FREM2: variants seen among roughly 807,000 people sequenced by gnomAD.
FREM2 encodes the protein FRAS1-related extracellular matrix protein 2.
In FREM2, 119 loss-of-function variants were observed where a neutral mutation model predicts 219.9. The ratio of observed to expected loss-of-function variants is 0.54; its 90% CI spans 0.47 to 0.63. The LOEUF is 0.63. Ranked by LOEUF, FREM2 falls within the 30% of genes least tolerant of loss-of-function variation. The pLI is 0.00. For synonymous variants in FREM2, 1,562 were observed against 1,522.8 expected (o/e 1.03, Z -0.60); for missense variants, 4,030 against 3,993.6 (o/e 1.01, Z -0.25).
intron 2 of FREM2, among the ~76,000 whole-genome samples, chr13:38,715,352 A>G (rs1870955422): frequency 6.6e-6 from 1 of 152,212 alleles, no homozygotes; most frequent in Non-Finnish European, 1.5e-5. Context: ...TGAGATGCAG[A>G]GAGGATTGCT....
rs572818693 is a variant in FREM2, at chr13:38,774,428, G to T, written c.5641+4620G>T. ...AAGTTAATCATATAATTAGGTGATT[G>T]CATTCCCCTAGATTGTTACAATTAA... On this transcript the variant is annotated intron_variant, in intron 4 of 23. Coordinates refer to ENST00000280481, the MANE Select transcript of FREM2 (RefSeq NM_207361.6). Among the ~76,000 whole-genome samples, 9 of 152,266 alleles carry T rather than the reference G, an allele frequency of 5.9e-5. 1 individual carries two copies. The South Asian group carries it at 1.5e-3, about 25-fold the overall frequency.
At chr13:38,773,577 T>G (rs1439637292) in intron 4 of FREM2, among the ~76,000 whole-genome samples, 3 of 152,090 alleles carry the variant, frequency 2.0e-5, no homozygotes, top group Non-Finnish European at 2.9e-5. Context: ...TGTTTCGTTG[T>G]GTTTGTTTGT....
intron 6 of FREM2, among the ~76,000 whole-genome samples, chr13:38,797,679 T>G (rs1421182427): frequency 6.6e-6 from 1 of 152,110 alleles, no homozygotes; most frequent in Non-Finnish European, 1.5e-5. Context: ...AAAATCTGCC[T>G]AGACAAATGT....
chr13:38,750,681 T>C (rs952207418), intron 2 of FREM2, among the ~76,000 whole-genome samples: 2 of 152,126 alleles, frequency 1.3e-5, no homozygotes, highest in African/African-American at 4.8e-5. Context: ...GTTCTGTTTT[T>C]AGCCATGCTG....
rs17058443 is a variant in FREM2, at chr13:38,692,592, A to T, written c.5173+75A>T. 15,098 of 1,517,354 alleles carry T rather than the reference A, an allele frequency of 1.0e-2. 1,118 individuals carry two copies. In the African/African-American group the frequency reaches 0.17, roughly 17 times the overall value. The allele number at this position is 1,517,354 out of a possible 1,614,324, so 94.0% of individuals were successfully genotyped here. ...GCTTCACTAAAAGCCTCACAAACAGAGCATTAAATTAGAGTCCAAGAGAAG... is the reference window on the plus strand; with the variant it reads ...GCTTCACTAAAAGCCTCACAAACAGTGCATTAAATTAGAGTCCAAGAGAAG... On this transcript the variant is annotated intron_variant, in intron 1 of 23. Transcript: ENST00000280481.
chr13:38,842,036 G>A (rs1876982807), intron 6 of FREM2, among the ~76,000 whole-genome samples: 1 of 152,154 alleles, frequency 6.6e-6, no homozygotes, highest in South Asian at 2.1e-4. Flanking sequence ...TGGAAGATGT[G>A]CAGAGCAGAA....
intron 2 of FREM2, among the ~76,000 whole-genome samples, chr13:38,725,001 A>G (rs868235736): frequency 6.6e-6 from 1 of 152,242 alleles, no homozygotes; most frequent in South Asian, 2.1e-4. Flanking sequence ...CTGGAATGGA[A>G]TATTTTAAAT....
intron 2 of FREM2, among the ~76,000 whole-genome samples, chr13:38,705,172 G>C (rs984066591): frequency 6.6e-6 from 1 of 152,168 alleles, no homozygotes; most frequent in Non-Finnish European, 1.5e-5. Flanking sequence ...TTGACATGAG[G>C]CCGATGCAGA....
intron 2 of FREM2, among the ~76,000 whole-genome samples, chr13:38,705,939 A>G (rs1870521458): frequency 6.6e-6 from 1 of 152,246 alleles, no homozygotes; most frequent in Admixed American, 6.5e-5. Context: ...ATGGAAAGTC[A>G]GAACCTGATG....
rs185648248 is a variant in FREM2, at chr13:38,882,797, C to T, written c.*2010C>T. On this transcript the variant is annotated 3_prime_UTR_variant, in exon 24 of 24. Coordinates refer to ENST00000280481, the MANE Select transcript of FREM2 (RefSeq NM_207361.6). Reference sequence around the variant, plus strand: ...CTTCAAATAGTGCGTAGACTTTTCCCTACTTACCATTGGGTTCAATTGATG... The same window carrying T: ...CTTCAAATAGTGCGTAGACTTTTCCTTACTTACCATTGGGTTCAATTGATG... 2 of 152,266 alleles carry T rather than the reference C, an allele frequency of 1.3e-5. No individual in the cohort carries two copies. Among genetic ancestry groups the T allele is most frequent in the African/African-American group, 4.8e-5 (2 of 41,558 alleles). 9.4% of individuals were successfully genotyped at this position (152,266 alleles called of 1,614,324 possible). A position where few individuals can be genotyped will look rare whatever the true frequency, so the allele number is the denominator to read the frequency against.
chr13:38,738,462 A>G (rs1393298406), intron 2 of FREM2, among the ~76,000 whole-genome samples: 1 of 145,334 alleles, frequency 6.9e-6, no homozygotes, highest in African/African-American at 2.6e-5. Flanking sequence ...GCTACTTGGG[A>G]GGCTGAGGCA....
intron 7 of FREM2, among the ~76,000 whole-genome samples, chr13:38,847,479 G>A (rs751204599): frequency 6.6e-5 from 10 of 152,078 alleles, no homozygotes; most frequent in South Asian, 2.1e-4. Flanking sequence ...TGCTTTGCAC[G>A]TAGCAGGTGC....
chr13:38,700,871 T>C (rs1870317708), intron 2 of FREM2, among the ~76,000 whole-genome samples: 1 of 152,122 alleles, frequency 6.6e-6, no homozygotes, highest in South Asian at 2.1e-4. Context: ...GATCTGCTTT[T>C]AGGATAGACA....
chr13:38,824,824 C>T lies in FREM2; in HGVS notation c.6020-21749C>T, dbSNP rs570328764. 6.6e-5 allele frequency among the ~76,000 whole-genome samples: 10 copies of T among 152,100 alleles called. 1 individual carries two copies. Among genetic ancestry groups the T allele is most frequent in the African/African-American group, 2.2e-4 (9 of 41,500 alleles). ...GTTACACCTTATCAGAATTCAGACT[C>T]CTCTCCTCCTGTAGGCTGGTGGTCT... On this transcript the variant is annotated intron_variant, in intron 6 of 23. Coordinates refer to ENST00000280481, the MANE Select transcript of FREM2 (RefSeq NM_207361.6).
At chr13:38,795,275 T>G (rs2137843162) in intron 6 of FREM2, among the ~76,000 whole-genome samples, 1 of 151,952 alleles carries the variant, frequency 6.6e-6, no homozygotes, top group Admixed American at 6.6e-5. Flanking sequence ...GGGAAAATGT[T>G]CAAGCCTGTT....
chr13:38,737,912 G>A (rs1872065452), intron 2 of FREM2, among the ~76,000 whole-genome samples: 1 of 152,210 alleles, frequency 6.6e-6, no homozygotes, highest in African/African-American at 2.4e-5. Flanking sequence ...AGATCACTGG[G>A]GAGCTAATTG....
At chr13:38,713,291 G>T (rs147333070) in intron 2 of FREM2, among the ~76,000 whole-genome samples, 2 of 152,100 alleles carry the variant, frequency 1.3e-5, no homozygotes, top group African/African-American at 4.8e-5. Flanking sequence ...GTGATATCAG[G>T]CAGGTCACTT....
At chr13:38,722,592 A>G (rs1002834916) in intron 2 of FREM2, among the ~76,000 whole-genome samples, 1 of 152,064 alleles carries the variant, frequency 6.6e-6, no homozygotes, top group South Asian at 2.1e-4. Flanking sequence ...ACACAGATTG[A>G]GGGGCCCCAC....
At chr13:38,867,920 A>G (rs1433952363) in intron 16 of FREM2, among the ~76,000 whole-genome samples, 1 of 152,224 alleles carries the variant, frequency 6.6e-6, no homozygotes, top group Non-Finnish European at 1.5e-5. Context: ...CCACGGATTC[A>G]AATGCCAGTC....
Sources: allele counts gnomAD v4.1 joint callset (sites outside exome capture counted in the v4.1 genomes callset), GRCh38; gene constraint gnomAD v4.1.1; transcripts MANE v1.5; gene names NCBI Gene and HGNC (gene_info 2026-07-23, HGNC 2026-07-21).